Variants in PFN1 observed in about 807,000 individuals in gnomAD.
The protein encoded by PFN1 is profilin 1, also known as profilin-1.
PFN1 carries 2 observed loss-of-function variants against 11.7 expected under a neutral mutation model. That is an observed-to-expected ratio of 0.17 (90% CI 0.07 to 0.54). The LOEUF is 0.54. Among genes scored for constraint, PFN1 ranks in the 20% least tolerant of loss-of-function variants. The pLI, the probability that PFN1 is intolerant of heterozygous loss-of-function variation, is 0.94. For missense variants in PFN1, 97 were observed against 188.4 expected (o/e 0.51, Z 2.84); for synonymous variants, 78 against 76.2 (o/e 1.02, Z -0.12).
chr17:4,948,426 C>G lies in PFN1; in HGVS notation c.-32G>C, dbSNP rs1476411759. The G allele has an allele frequency of 6.4e-7, 1 of 1,569,532 alleles. No individual in the cohort carries two copies. The highest frequency in any genetic ancestry group is 8.6e-7 in the Non-Finnish European group (1 of 1,163,180). ...GCTACTGGGGCTGCTCTCGGCGCTGCTGCTGGGGCCGCGGACTGGGCTCGA... is the reference window on the plus strand; with the variant it reads ...GCTACTGGGGCTGCTCTCGGCGCTGGTGCTGGGGCCGCGGACTGGGCTCGA... On this transcript the variant is annotated 5_prime_UTR_variant, in exon 1 of 3. Transcript: ENST00000225655.
At position 4,948,493 on chromosome 17, in the gene PFN1, G is replaced by C. The variant is rs746908706; in HGVS notation, c.-99C>G. On this transcript the variant is annotated 5_prime_UTR_variant, in exon 1 of 3. Transcript: ENST00000225655. ...GGCGGGGGGAGGCGGAGAGCTCGGG[G>C]CACGCGCTGCCGTCCGGACCGCGGC... The C allele has an allele frequency of 7.5e-7, 1 of 1,334,472 alleles. No homozygotes were observed. The highest frequency in any genetic ancestry group is 9.8e-7 in the Non-Finnish European group (1 of 1,022,488). The allele number at this position is 1,334,472 out of a possible 1,614,324, so 82.7% of individuals were successfully genotyped here. A position where few individuals can be genotyped will look rare whatever the true frequency, so the allele number is the denominator to read the frequency against.
At chr17:4,947,452 C>G (rs1361311887) in intron 1 of PFN1, 6 of 146,688 alleles carry the variant, frequency 4.1e-5, no homozygotes, top group Non-Finnish European at 6.0e-5. Flanking sequence ...CCCCCTCCCC[C>G]TTTCACCCCA....
At chr17:4,947,008 A>G (rs1440159443) in intron 1 of PFN1, 188 bp from the exon 2 acceptor site, 2 of 481,648 alleles carry the variant, frequency 4.2e-6, no homozygotes, top group Non-Finnish European at 7.3e-6. Flanking sequence ...TAGTGCAGAA[A>G]AAGATCATGA....
Position 4,945,993 on chromosome 17 carries a change from T to C in PFN1, c.330A>G (p.Leu110=), listed in dbSNP as rs1339056074. 3 of 1,609,988 alleles carry C rather than the reference T, an allele frequency of 1.9e-6. No individual in the cohort carries two copies. The highest frequency in any genetic ancestry group is 2.5e-6 in the Non-Finnish European group (3 of 1,176,528). ...NVTVTKTDKT[L]VLLMGKEGVH... ...CACCTTCTTTGCCCATCAGCAGGACTAGCGCTGGAGGAGGAGGAAAGAGAA... is the reference window on the plus strand; with the variant it reads ...CACCTTCTTTGCCCATCAGCAGGACCAGCGCTGGAGGAGGAGGAAAGAGAA... Residue 110 remains leucine, a synonymous_variant, in exon 3 of 3, where the codon CTA becomes CTG. Transcript: ENST00000225655.
chr17:4,946,888 A>T (rs1260506907), intron 1 of PFN1, 68 bp from the exon 2 acceptor site: 1 of 1,437,156 alleles, frequency 7.0e-7, no homozygotes, highest in Admixed American at 2.1e-5. Flanking sequence ...TTCTCCAAAG[A>T]CCCACCTGTC....
chr17:4,948,039 G>C, intron 1 of PFN1: 1 of 462,946 alleles, frequency 2.2e-6, no homozygotes, highest in Non-Finnish European at 3.7e-6. Flanking sequence ...GCCCCGTCGC[G>C]GAAAGCGGGG....
At chr17:4,948,073 G>A in intron 1 of PFN1, 190 bp downstream of exon 1, 3 of 534,988 alleles carry the variant, frequency 5.6e-6, no homozygotes, top group Admixed American at 8.7e-5. Context: ...GGGCGCCGCC[G>A]CCTGGGGCAT....
intron 2 of PFN1, 107 bp downstream of exon 2, chr17:4,946,521 A>T: frequency 1.2e-6 from 1 of 816,734 alleles, no homozygotes; most frequent in Non-Finnish European, 2.0e-6. Context: ...TACTGGTCTG[A>T]CTCCCTTCAT....
rs760016635 is a variant in PFN1 at position 4,948,526 on chromosome 17, G to T, written c.-132C>A. ...TGCCGTCCGGACCGCGGCTCCGCTC[G>T]CTGTGCAGCAGCCCTCGCACCGCCA... On this transcript the variant is annotated 5_prime_UTR_variant, in exon 1 of 3. Transcript: ENST00000225655. The T allele has an allele frequency of 9.7e-7, 1 of 1,026,482 alleles. No homozygotes were observed. Among genetic ancestry groups the T allele is most frequent in the Non-Finnish European group, 1.3e-6 (1 of 754,522 alleles). The allele number at this position is 1,026,482 out of a possible 1,614,324, so 63.6% of individuals were successfully genotyped here.
chr17:4,948,209 T>C, intron 1 of PFN1, 54 bp downstream of exon 1: 14 of 718,540 alleles, frequency 1.9e-5, no homozygotes, highest in South Asian at 4.7e-5. Flanking sequence ...CCCAAGTCCC[T>C]CCCTCAGGGT....
chr17:4,947,805 A>C (rs1195350919), intron 1 of PFN1, among the ~76,000 whole-genome samples: 1 of 152,144 alleles, frequency 6.6e-6, no homozygotes, highest in Non-Finnish European at 1.5e-5. Flanking sequence ...CAAGGGACCA[A>C]GACCACGCGC....
chr17:4,948,033 C>A (rs747549546), intron 1 of PFN1: 4 of 459,356 alleles, frequency 8.7e-6, no homozygotes, highest in African/African-American at 2.1e-5. Context: ...TGTAACGCCC[C>A]GTCGCGGAAA....
chr17:4,947,969 C>G, intron 1 of PFN1: 1 of 323,848 alleles, frequency 3.1e-6, no homozygotes, highest in South Asian at 6.8e-5. Flanking sequence ...CTGGGAGAGG[C>G]GGAAGTGGGC....
At chr17:4,947,830 C>G (rs1971438565) in intron 1 of PFN1, among the ~76,000 whole-genome samples, 1 of 152,200 alleles carries the variant, frequency 6.6e-6, no homozygotes, top group Non-Finnish European at 1.5e-5. Flanking sequence ...GGCTCCCTTC[C>G]GCACCAGGAG....
In PFN1 at chr17:4,948,451, A is replaced by G. The variant is rs1971454896; in HGVS notation, c.-57T>C. The stretch of plus-strand genomic sequence containing the variant: ...CTGCTGGGGCCGCGGACTGGGCTCG[A>G]GCTGCCTCGGCTGGCGGGCGGGGGG... On this transcript the variant is annotated 5_prime_UTR_variant, in exon 1 of 3. Transcript: ENST00000225655. 1 of 1,518,596 alleles carries G rather than the reference A, an allele frequency of 6.6e-7. No homozygotes were observed. 94.1% of individuals were successfully genotyped at this position (1,518,596 alleles called of 1,614,324 possible). A position where few individuals can be genotyped will look rare whatever the true frequency, so the allele number is the denominator to read the frequency against.
chr17:4,946,082 C>T, intron 2 of PFN1, 85 bp from the exon 3 acceptor site: 5 of 1,019,080 alleles, frequency 4.9e-6, no homozygotes, highest in Non-Finnish European at 7.7e-6. Context: ...CTGTCCAGCC[C>T]TGGGGGCTGT....
chr17:4,948,405 C>G lies in PFN1; in HGVS notation c.-11G>C. The G allele has an allele frequency of 6.3e-7, 1 of 1,597,162 alleles. No homozygotes were observed. The highest frequency in any genetic ancestry group is 1.1e-5 in the South Asian group (1 of 89,572). On this transcript the variant is annotated 5_prime_UTR_variant, in exon 1 of 3. Transcript: ENST00000225655. The stretch of plus-strand genomic sequence containing the variant: ...GTTCCACCCGGCCATGGCGCTGCTA[C>G]TGGGGCTGCTCTCGGCGCTGCTGCT...
rs369165495 is a variant in PFN1, at chr17:4,948,356, C to G, written c.39G>C (p.Ala13=). The change falls in exon 1 of 3, where the codon GCG becomes GCC. Residue 13 remains alanine, a synonymous_variant. Transcript: ENST00000225655. The part of the protein sequence containing the change: ...GWNAYIDNLM[A]DGTCQDAAIV... The stretch of plus-strand genomic sequence containing the variant: ...TGGCCGCGTCCTGACAGGTCCCGTC[C>G]GCCATGAGGTTGTCGATGTAGGCGT... 1 of 1,610,384 alleles carries G rather than the reference C, an allele frequency of 6.2e-7. No individual in the cohort carries two copies. The highest frequency in any genetic ancestry group is 8.5e-7 in the Non-Finnish European group (1 of 1,178,998).
chr17:4,948,313 A>G lies in PFN1; in HGVS notation c.82T>C (p.Ser28Pro). The G allele has an allele frequency of 6.2e-7, 1 of 1,610,716 alleles. No homozygotes were observed. Among genetic ancestry groups the G allele is most frequent in the Non-Finnish European group, 8.5e-7 (1 of 1,179,038 alleles). The change falls in exon 1 of 3, where the codon TCG becomes CCG. Residue 28 changes from serine (S) to proline (P), a missense_variant. By Grantham distance (74) the Ser-to-Pro change is moderately conservative. Coordinates refer to ENST00000225655, the MANE Select transcript of PFN1 (RefSeq NM_005022.4). ...QDAAIVGYKD[S>P]PSVWAAVPGK... is the part of the protein sequence containing the mutation. The stretch of plus-strand genomic sequence containing the variant: ...GGGACGGCGGCCCAGACGGAGGGCG[A>G]GTCCTTGTAGCCCACGATGGCCGCG...
Sources: gnomAD v4.1 joint callset for allele counts (sites outside exome capture counted in the v4.1 genomes callset) on GRCh38, gnomAD v4.1.1 for gene constraint, MANE v1.5 for transcripts, NCBI Gene and HGNC (gene_info 2026-07-23, HGNC 2026-07-21) for gene names.